Variants in ARK2N observed in about 807,000 individuals in gnomAD.
ARK2N encodes the protein arkadia (RNF111) N-terminal like PKA signaling regulator 2N.
the ARK2N span, among the ~76,000 whole-genome samples, chr18:46,228,581 A>C: frequency 6.6e-6 from 1 of 152,094 alleles, no homozygotes; most frequent in Non-Finnish European, 1.5e-5. Context: ...TAACAAACAT[A>C]GGTAGCCTTT....
chr18:46,215,523 G>A, the ARK2N span, among the ~76,000 whole-genome samples: 1 of 152,024 alleles, frequency 6.6e-6, no homozygotes, highest in African/African-American at 2.4e-5. Context: ...AGATTTCTTT[G>A]TAGAACACTT....
the ARK2N span, among the ~76,000 whole-genome samples, chr18:46,259,898 TGC>T: frequency 2.1e-5 from 2 of 95,112 alleles, no homozygotes; most frequent in Admixed American, 1.1e-4. Flanking sequence ...TGTGTGTGTG[TGC>T]GACAGAGATG....
At chr18:46,224,149 T>C in the ARK2N span, among the ~76,000 whole-genome samples, 2 of 152,190 alleles carry the variant, frequency 1.3e-5, no homozygotes, top group African/African-American at 4.8e-5. Context: ...CTGGATTATG[T>C]GTTAACAGAT....
chr18:46,233,125 A>G, the ARK2N span, among the ~76,000 whole-genome samples: 1 of 152,168 alleles, frequency 6.6e-6, no homozygotes, highest in East Asian at 1.9e-4. Context: ...TGAAAAAAAG[A>G]ATACCACTGT....
chr18:46,247,175 TG>T, the ARK2N span, among the ~76,000 whole-genome samples: 1 of 152,074 alleles, frequency 6.6e-6, no homozygotes, highest in Non-Finnish European at 1.5e-5. Flanking sequence ...GATGGTACCT[TG>T]TTTTTTTTTT....
the ARK2N span, among the ~76,000 whole-genome samples, chr18:46,193,148 C>T: frequency 2.0e-5 from 3 of 152,012 alleles, no homozygotes; most frequent in South Asian, 2.1e-4. Flanking sequence ...GCCTGGGCAA[C>T]AGAGTGAGAC....
the ARK2N span, chr18:46,218,099 G>A: frequency 2.0e-5 from 3 of 152,108 alleles, no homozygotes; most frequent in Non-Finnish European, 2.9e-5. Context: ...CCTTTTTGTG[G>A]AAAGGAAGAA....
At chr18:46,202,801 T>A in the ARK2N span, among the ~76,000 whole-genome samples, 241 of 100,104 alleles carry the variant, frequency 2.4e-3, no homozygotes, top group African/African-American at 5.5e-3. Flanking sequence ...AAAATAAAAA[T>A]TAAAAAAAAA....
chr18:46,226,080 G>T, the ARK2N span, among the ~76,000 whole-genome samples: 1 of 152,138 alleles, frequency 6.6e-6, no homozygotes, highest in Non-Finnish European at 1.5e-5. Context: ...TAACTGTAAA[G>T]ATCATAGTTA....
At chr18:46,203,759 G>C in the ARK2N span, among the ~76,000 whole-genome samples, 2 of 152,030 alleles carry the variant, frequency 1.3e-5, no homozygotes, top group Non-Finnish European at 2.9e-5. Context: ...GCTAATTTTT[G>C]TATTTTTAGT....
the ARK2N span, among the ~76,000 whole-genome samples, chr18:46,236,108 G>A: frequency 6.6e-6 from 1 of 152,162 alleles, no homozygotes; most frequent in African/African-American, 2.4e-5. Flanking sequence ...GCATAAAATG[G>A]ATGACTTGAT....
the ARK2N span, among the ~76,000 whole-genome samples, chr18:46,222,085 A>G: frequency 6.6e-6 from 1 of 152,246 alleles, no homozygotes; most frequent in African/African-American, 2.4e-5. Flanking sequence ...TATTTAAACC[A>G]TCTGATGCCC....
chr18:46,253,308 G>A, the ARK2N span, among the ~76,000 whole-genome samples: 2 of 152,036 alleles, frequency 1.3e-5, no homozygotes, highest in East Asian at 3.9e-4. Flanking sequence ...TGGTTACGCA[G>A]GTCGTTTAAA....
the ARK2N span, among the ~76,000 whole-genome samples, chr18:46,219,853 G>A: frequency 6.6e-6 from 1 of 152,132 alleles, no homozygotes; most frequent in Non-Finnish European, 1.5e-5. Flanking sequence ...ACTGTTCATG[G>A]GGGGTCAGTT....
the ARK2N span, among the ~76,000 whole-genome samples, chr18:46,190,157 A>G: frequency 1.3e-5 from 2 of 152,198 alleles, no homozygotes; most frequent in Non-Finnish European, 2.9e-5. Flanking sequence ...CTGAAAACCT[A>G]AATAGAATTT....
At chr18:46,212,697 A>G in the ARK2N span, among the ~76,000 whole-genome samples, 2 of 152,340 alleles carry the variant, frequency 1.3e-5, no homozygotes, top group African/African-American at 4.8e-5. Flanking sequence ...CTCAAATTTA[A>G]GGAACTTGAA....
the ARK2N span, among the ~76,000 whole-genome samples, chr18:46,203,394 G>A: frequency 6.6e-6 from 1 of 152,100 alleles, no homozygotes; most frequent in African/African-American, 2.4e-5. Flanking sequence ...GAAAATAAAA[G>A]AACAGGCAAA....
At chr18:46,195,515 C>T in the ARK2N span, among the ~76,000 whole-genome samples, 7 of 146,550 alleles carry the variant, frequency 4.8e-5, no homozygotes, top group Non-Finnish European at 1.0e-4. Context: ...TCCCAAAGTG[C>T]TGGAATTACA....
chr18:46,216,367 A>T, the ARK2N span: 1 of 1,614,078 alleles, frequency 6.2e-7, no homozygotes, highest in Non-Finnish European at 8.5e-7. This position sits in a 1 kb window ranked among gnomAD's most constrained non-coding sequence, Gnocchi z 4.3. Context: ...ATCCAGTGAT[A>T]AACAGAATGG....
Sources: allele counts gnomAD v4.1 joint callset (sites outside exome capture counted in the v4.1 genomes callset), GRCh38; gene constraint gnomAD v4.1.1; non-coding constraint Gnocchi (gnomAD v3.1); transcripts MANE v1.5; gene names NCBI Gene and HGNC (gene_info 2026-07-23, HGNC 2026-07-21).